HIBADH: variants seen among roughly 807,000 people sequenced by gnomAD.
HIBADH encodes the protein 3-hydroxyisobutyrate dehydrogenase, mitochondrial.
A neutral mutation model predicts 36.1 loss-of-function variants in HIBADH; 25 were observed. That is an observed-to-expected ratio of 0.69 (90% confidence interval 0.50 to 0.97). HIBADH has a LOEUF of 0.97. HIBADH is among the 50% of genes least tolerant of loss of function. HIBADH has a pLI of 0.00. For missense variants in HIBADH, 421 were observed against 418.0 expected, an observed-to-expected ratio of 1.01 and a Z score of -0.06; for synonymous variants, 160 against 149.5, an observed-to-expected ratio of 1.07 and a Z score of -0.51.
At chr7:27,528,758 A>C (rs748773518) in intron 7 of HIBADH, among the ~76,000 whole-genome samples, 2 of 152,246 alleles carry the variant, frequency 1.3e-5, no homozygotes, top group African/African-American at 4.8e-5. Context: ...CAGAAGATCC[A>C]GCTATCACTG....
chr7:27,586,324 G>A (rs1784861384), intron 4 of HIBADH, among the ~76,000 whole-genome samples: 1 of 142,086 alleles, frequency 7.0e-6, no homozygotes, highest in Non-Finnish European at 1.5e-5. Flanking sequence ...GCAGTGTAGA[G>A]CAATGTGGAA....
chr7:27,615,309 TA>T (rs1201900802), intron 4 of HIBADH, among the ~76,000 whole-genome samples: 3 of 152,218 alleles, frequency 2.0e-5, no homozygotes, highest in Non-Finnish European at 2.9e-5. Context: ...AAACTGATTC[TA>T]GTCCTAGAGT....
intron 4 of HIBADH, among the ~76,000 whole-genome samples, chr7:27,625,482 A>G (rs1472323023): frequency 3.9e-5 from 6 of 152,182 alleles, no homozygotes; most frequent in African/African-American, 1.4e-4. Flanking sequence ...AAACTTAAAA[A>G]AAAAAGCATG....
chr7:27,654,642 G>C (rs568509385), intron 1 of HIBADH, among the ~76,000 whole-genome samples: 3 of 151,548 alleles, frequency 2.0e-5, no homozygotes, highest in African/African-American at 4.8e-5. Context: ...GTATATTCCA[G>C]AGGTATGAAT....
intron 4 of HIBADH, among the ~76,000 whole-genome samples, chr7:27,605,330 C>G (rs1306491708): frequency 6.6e-6 from 1 of 151,876 alleles, no homozygotes; most frequent in Non-Finnish European, 1.5e-5. Flanking sequence ...CCAAAAACAG[C>G]TTTTAAGACA....
At chr7:27,642,680 C>T (rs1479041356) in intron 2 of HIBADH, among the ~76,000 whole-genome samples, 1 of 124,948 alleles carries the variant, frequency 8.0e-6, no homozygotes, top group African/African-American at 3.2e-5. Context: ...GAGACGGAGT[C>T]TCGCTCTGTC....
intron 4 of HIBADH, among the ~76,000 whole-genome samples, chr7:27,569,147 C>A (rs1219905720): frequency 6.6e-6 from 1 of 152,102 alleles, no homozygotes. Flanking sequence ...CAGTGATTTT[C>A]TTCAAATTTC....
chr7:27,638,317 A>AAAC (rs1554300506), intron 2 of HIBADH, among the ~76,000 whole-genome samples: 2 of 148,204 alleles, frequency 1.3e-5, no homozygotes, highest in East Asian at 1.9e-4. Flanking sequence ...TCAAAAAAAA[A>AAAC]AAAAAAAAAA....
chr7:27,582,569 ATAAT>A (rs963132278), intron 4 of HIBADH, among the ~76,000 whole-genome samples: 25 of 152,094 alleles, frequency 1.6e-4, no homozygotes, highest in African/African-American at 6.0e-4. Flanking sequence ...CACTTACTAA[ATAAT>A]TATGATATAC....
intron 4 of HIBADH, among the ~76,000 whole-genome samples, chr7:27,549,958 A>T (rs1224296347): frequency 6.6e-6 from 1 of 152,082 alleles, no homozygotes; most frequent in Admixed American, 6.6e-5. Flanking sequence ...GCCAGGATGG[A>T]GTGCAGTGGC....
chr7:27,647,894 C>T (rs1041603610), intron 2 of HIBADH: 6 of 171,274 alleles, frequency 3.5e-5, no homozygotes, highest in Non-Finnish European at 5.5e-5. Context: ...TCTGTAACAA[C>T]GTAAAAGGTC....
chr7:27,622,342 A>G (rs1785560631), intron 4 of HIBADH, among the ~76,000 whole-genome samples: 1 of 152,212 alleles, frequency 6.6e-6, no homozygotes, highest in South Asian at 2.1e-4. Flanking sequence ...TCTGGGATAC[A>G]GCAAAAGCAG....
intron 2 of HIBADH, among the ~76,000 whole-genome samples, chr7:27,645,808 G>A (rs1041735775): frequency 6.6e-6 from 1 of 152,044 alleles, no homozygotes; most frequent in Non-Finnish European, 1.5e-5. Flanking sequence ...TGAGTTACTT[G>A]TCTTATGCTG....
chr7:27,583,067 T>C (rs1025457697), intron 4 of HIBADH, among the ~76,000 whole-genome samples: 3 of 152,138 alleles, frequency 2.0e-5, no homozygotes, highest in African/African-American at 7.2e-5. Flanking sequence ...ATCTGCATGA[T>C]GATAATTTAC....
At chr7:27,527,840 T>TCCCGGAGCAA (rs1783927933) in intron 7 of HIBADH, among the ~76,000 whole-genome samples, 1 of 144,332 alleles carries the variant, frequency 6.9e-6, no homozygotes, top group Non-Finnish European at 1.5e-5. Context: ...AACCTCTGCC[T>TCCCGGAGCAA]CCTGGGTTCA....
intron 4 of HIBADH, among the ~76,000 whole-genome samples, chr7:27,560,318 CA>C (rs1562621515): frequency 2.0e-5 from 3 of 152,340 alleles, no homozygotes; most frequent in Middle Eastern, 6.8e-3. Flanking sequence ...GGGGTTTCGC[CA>C]TGTTGGCCAG....
At chr7:27,526,485 G>A in intron 7 of HIBADH, 113 bp from the exon 8 acceptor site, 1 of 783,008 alleles carries the variant, frequency 1.3e-6, no homozygotes. Flanking sequence ...GAAAAAATAA[G>A]ATACTTATAA....
At chr7:27,602,847 A>G (rs1431368878) in intron 4 of HIBADH, among the ~76,000 whole-genome samples, 1 of 152,150 alleles carries the variant, frequency 6.6e-6, no homozygotes, top group Non-Finnish European at 1.5e-5. Flanking sequence ...CGCATGCCAA[A>G]AAAAATCCAC....
At position 27,644,658 on chromosome 7, in the gene HIBADH, G is replaced by A. The variant is rs540773126; in HGVS notation, c.252+4815C>T. ...CGCGTGCCTGTAGTCACAGCTACTC[G>A]GGAGGCTGAGGCAGAAGAATCACTC... On this transcript the variant is annotated intron_variant, in intron 2 of 7. Coordinates refer to ENST00000265395, the MANE Select transcript of HIBADH (RefSeq NM_152740.4). Among the ~76,000 whole-genome samples the A allele has an allele frequency of 2.3e-4, 35 of 149,870 alleles. 1 individual carries two copies. The South Asian group carries it at 6.3e-3, about 27-fold the overall frequency.
Sources: allele counts gnomAD v4.1 joint callset (sites outside exome capture counted in the v4.1 genomes callset), GRCh38; gene constraint gnomAD v4.1.1; transcripts MANE v1.5; gene names NCBI Gene and HGNC (gene_info 2026-07-23, HGNC 2026-07-21).